The following HS6ST2 variants were observed in gnomAD, a reference collection of about 807,000 sequenced individuals.
The protein encoded by HS6ST2 is heparan sulfate 6-O-sulfotransferase 2.
In HS6ST2, 17 loss-of-function variants were observed where a neutral mutation model predicts 33.0. The ratio of observed to expected loss-of-function variants is 0.52; its 90% CI spans 0.35 to 0.77. The LOEUF is 0.77. Ranked by LOEUF, HS6ST2 falls within the 30% of genes least tolerant of loss-of-function variation. The pLI, the probability that HS6ST2 is intolerant of heterozygous loss-of-function variation, is 0.01. For synonymous variants in HS6ST2, 248 were observed against 237.1 expected, an observed-to-expected ratio of 1.05 and a Z score of -0.42; for missense variants, 519 against 551.7, an observed-to-expected ratio of 0.94 and a Z score of 0.59.
chrX:132,670,074 A>G (rs1425885477), intron 3 of HS6ST2, among the ~76,000 whole-genome samples: 1 of 108,953 alleles, frequency 9.2e-6, no homozygotes, highest in African/African-American at 3.5e-5. Flanking sequence ...GTGTGGAATT[A>G]TTTATCCTGA....
chrX:132,658,647 C>T (rs1265632651), intron 4 of HS6ST2, among the ~76,000 whole-genome samples: 2 of 112,140 alleles, frequency 1.8e-5, no homozygotes, highest in Non-Finnish European at 3.8e-5. Flanking sequence ...ATGCTATTTC[C>T]CTCAGCCTTA....
At chrX:132,905,792 T>A (rs1468506821) in intron 2 of HS6ST2, among the ~76,000 whole-genome samples, 1 of 112,017 alleles carries the variant, frequency 8.9e-6, no homozygotes, top group Non-Finnish European at 1.9e-5. Context: ...AATTTAGCTA[T>A]TTCCGTTACC....
rs1226278674 is a variant in HS6ST2 at position 132,683,004 on chromosome X, C to T, written c.981-13805G>A. ...TGGCACTTGCCTGTAGGCCCAGCTA[C>T]TCCAGAGGCTGAGATGAGAGGATCA... On this transcript the variant is annotated intron_variant, in intron 3 of 4. Coordinates refer to ENST00000370833, the MANE Select transcript of HS6ST2 (RefSeq NM_001394073.1). Among the ~76,000 whole-genome samples, 3 of 110,506 alleles carry T rather than the reference C, an allele frequency of 2.7e-5. No individual in the cohort carries two copies. In the East Asian group the frequency reaches 8.5e-4, roughly 31 times the overall value.
intron 2 of HS6ST2, among the ~76,000 whole-genome samples, chrX:132,761,586 A>C (rs1274949920): frequency 4.4e-5 from 5 of 112,381 alleles, no homozygotes; most frequent in Non-Finnish European, 1.9e-5. Context: ...GAGGCAGATA[A>C]TGAAGTGCCT....
chrX:132,797,233 A>C (rs1390557219), intron 2 of HS6ST2, among the ~76,000 whole-genome samples: 1 of 111,893 alleles, frequency 8.9e-6, no homozygotes, highest in Non-Finnish European at 1.9e-5. Flanking sequence ...TGTAGTGGGT[A>C]CTTGGTTGAT....
intron 4 of HS6ST2, among the ~76,000 whole-genome samples, chrX:132,637,878 A>AATATTTTATATATAATAT (rs2063569867): frequency 2.3e-5 from 1 of 43,071 alleles, no homozygotes; most frequent in Non-Finnish European, 3.2e-5. Flanking sequence ...TATATATAAT[A>AATATTTTATATATAATAT]TATATATAAT....
chrX:132,684,004 T>C (rs1336938403), intron 3 of HS6ST2, among the ~76,000 whole-genome samples: 1 of 109,940 alleles, frequency 9.1e-6, no homozygotes. Context: ...AAGAGCAAGA[T>C]TACTGAAATT....
intron 2 of HS6ST2, among the ~76,000 whole-genome samples, chrX:132,923,516 T>C (rs2066677582): frequency 8.9e-6 from 1 of 111,990 alleles, no homozygotes; most frequent in Non-Finnish European, 1.9e-5. Flanking sequence ...TTATATTTGG[T>C]CTACATGTTT....
chrX:132,632,170 C>T (rs1462726591), intron 4 of HS6ST2, among the ~76,000 whole-genome samples: 4 of 111,341 alleles, frequency 3.6e-5, no homozygotes, highest in Non-Finnish European at 5.7e-5. Flanking sequence ...TAACAGCCAC[C>T]TAGACTCATA....
At chrX:132,706,430 C>T (rs1471738162) in intron 3 of HS6ST2, among the ~76,000 whole-genome samples, 1 of 111,967 alleles carries the variant, frequency 8.9e-6, no homozygotes, top group African/African-American at 3.2e-5. Context: ...GAAAATCCAA[C>T]AAAATAATTT....
rs148373042 is a variant in HS6ST2, at chrX:132,897,943, T to C, written c.947+58865A>G. ...GAAGTCCCCATCCCTGGGCCACGAA[T>C]GGGTACTGGTCCATGGCTTGTTAGG... On this transcript the variant is annotated intron_variant, in intron 2 of 4. Transcript: ENST00000370833. Among the ~76,000 whole-genome samples the C allele has an allele frequency of 6.0e-3, 664 of 111,553 alleles. 4 individuals carry two copies. The highest frequency in any genetic ancestry group is 0.021 in the African/African-American group (634 of 30,736).
rs944710607 is a variant in HS6ST2 at position 132,863,815 on chromosome X, T to C, written c.947+92993A>G. 2.7e-5 allele frequency among the ~76,000 whole-genome samples: 3 copies of C among 111,905 alleles called. No individual in the cohort carries two copies. The Admixed American group carries it at 2.9e-4, about 11-fold the overall frequency. ...ATCCACTGCAAACAAGAACCACTTA[T>C]CTTCATCCCTAAAAATATCCATCAG... is the stretch of plus-strand genomic sequence containing the variant. On this transcript the variant is annotated intron_variant, in intron 2 of 4. Transcript: ENST00000370833.
intron 2 of HS6ST2, among the ~76,000 whole-genome samples, chrX:132,779,679 C>CT (rs200272957): frequency 6.3e-5 from 7 of 111,004 alleles, no homozygotes; most frequent in African/African-American, 2.0e-4. Flanking sequence ...ATCTCCCCTG[C>CT]CACGTCCAGA....
At chrX:132,907,254 C>T (rs1435105123) in intron 2 of HS6ST2, 2 of 112,197 alleles carry the variant, frequency 1.8e-5, no homozygotes, top group Non-Finnish European at 3.8e-5. Flanking sequence ...ATTAAAGGGC[C>T]AACCAAAGGC....
chrX:132,875,084 G>C (rs1352918602), intron 2 of HS6ST2, among the ~76,000 whole-genome samples: 4 of 111,802 alleles, frequency 3.6e-5, no homozygotes, highest in Non-Finnish European at 7.5e-5. Context: ...CTAATGAGAA[G>C]CATGATTCTA....
intron 2 of HS6ST2, among the ~76,000 whole-genome samples, chrX:132,950,575 C>CA (rs1266202536): frequency 9.0e-6 from 1 of 110,969 alleles, no homozygotes; most frequent in Non-Finnish European, 1.9e-5. Context: ...GTTAGAGAGG[C>CA]AAAAAAAGTA....
At chrX:132,898,236 A>G (rs973902633) in intron 2 of HS6ST2, among the ~76,000 whole-genome samples, 14 of 109,739 alleles carry the variant, frequency 1.3e-4, no homozygotes, top group African/African-American at 4.6e-4. Flanking sequence ...TGGTGCCAAA[A>G]TGATTGGGGA....
At chrX:132,858,264 C>A (rs1037991577) in intron 2 of HS6ST2, among the ~76,000 whole-genome samples, 2 of 111,644 alleles carry the variant, frequency 1.8e-5, no homozygotes, top group Non-Finnish European at 3.8e-5. Flanking sequence ...GTATGTCAAC[C>A]CTGCAGAAAG....
intron 2 of HS6ST2, among the ~76,000 whole-genome samples, chrX:132,887,413 T>C (rs1353854063): frequency 8.9e-6 from 1 of 112,056 alleles, no homozygotes; most frequent in Non-Finnish European, 1.9e-5. Context: ...CCATCAATTG[T>C]CATTAGACAT....
Sources: gnomAD v4.1 joint callset for allele counts (sites outside exome capture counted in the v4.1 genomes callset) on GRCh38, gnomAD v4.1.1 for gene constraint, MANE v1.5 for transcripts, NCBI Gene and HGNC (gene_info 2026-07-23, HGNC 2026-07-21) for gene names.